The following APP variants were observed in gnomAD, a reference collection of about 807,000 sequenced individuals.
APP encodes amyloid-beta precursor protein.
APP carries 31 observed loss-of-function variants against 101.4 expected under a neutral mutation model. That is an observed-to-expected ratio of 0.31 (90% CI 0.23 to 0.41). APP has a LOEUF of 0.41. Among genes scored for constraint, APP ranks in the 10% least tolerant of loss-of-function variants. The pLI, the probability that APP is intolerant of heterozygous loss-of-function variation, is 1.00. For synonymous variants in APP, 366 were observed against 364.4 expected (o/e 1.00, Z -0.05); for missense variants, 839 against 1,003.7 (o/e 0.84, Z 2.22).
chr21:26,050,404 G>A (rs1355609907), intron 5 of APP, among the ~76,000 whole-genome samples: 2 of 152,086 alleles, frequency 1.3e-5, no homozygotes, highest in African/African-American at 4.8e-5. Context: ...TTAAGAATGA[G>A]AATCAGGTAA....
chr21:25,896,867 G>T (rs2038084358), intron 16 of APP, among the ~76,000 whole-genome samples: 1 of 152,176 alleles, frequency 6.6e-6, no homozygotes, highest in South Asian at 2.1e-4. Context: ...GGAATGAAAA[G>T]AAAGAGCTGG....
intron 13 of APP, among the ~76,000 whole-genome samples, chr21:25,920,703 T>C (rs915086238): frequency 1.3e-5 from 2 of 151,174 alleles, no homozygotes; most frequent in Non-Finnish European, 2.9e-5. Context: ...ATGCACCCAA[T>C]ACAGGAGCAC....
chr21:25,981,653 AT>A (rs2042433089), intron 9 of APP, among the ~76,000 whole-genome samples: 1 of 147,692 alleles, frequency 6.8e-6, no homozygotes, highest in Non-Finnish European at 1.5e-5. Context: ...GACATAAGTT[AT>A]TTTTTAATTT....
chr21:25,914,755 G>A (rs990388579), intron 13 of APP, among the ~76,000 whole-genome samples: 19 of 152,062 alleles, frequency 1.2e-4, no homozygotes, highest in East Asian at 3.9e-4. Flanking sequence ...GGGTTTCACC[G>A]TGTTAGCCAG....
chr21:26,167,573 T>C (rs1268362208), intron 1 of APP, among the ~76,000 whole-genome samples: 1 of 152,218 alleles, frequency 6.6e-6, no homozygotes, highest in Non-Finnish European at 1.5e-5. Flanking sequence ...TAGAAGACTC[T>C]AGTATGCAAA....
At chr21:25,974,977 T>G (rs888119549) in intron 11 of APP, 93 bp downstream of exon 11, 1 of 1,554,726 alleles carries the variant, frequency 6.4e-7, no homozygotes. Context: ...GCATTTCTCC[T>G]CATTCTTTTT....
In APP at chr21:26,107,655, C is replaced by T. The variant is rs1050834845; in HGVS notation, c.225+4324G>A. On this transcript the variant is annotated intron_variant, in intron 2 of 17. Coordinates refer to ENST00000346798, the MANE Select transcript of APP (RefSeq NM_000484.4). ...TGCAATTCCCCAAGGTGCTTTCCTTCGGTTCTTCTCCACAGGTGTCACTGA... is the reference window on the plus strand; with the variant it reads ...TGCAATTCCCCAAGGTGCTTTCCTTTGGTTCTTCTCCACAGGTGTCACTGA... Among the ~76,000 whole-genome samples the T allele has an allele frequency of 6.1e-4, 93 of 152,306 alleles. 1 individual carries two copies. Among genetic ancestry groups the T allele is most frequent in the Admixed American group, 1.8e-3 (28 of 15,292 alleles).
At chr21:26,004,451 C>T (rs531556562) in intron 6 of APP, among the ~76,000 whole-genome samples, 5 of 151,622 alleles carry the variant, frequency 3.3e-5, no homozygotes, top group South Asian at 4.2e-4. Context: ...CGCCACACAC[C>T]GGCTAATTTT....
intron 9 of APP, among the ~76,000 whole-genome samples, chr21:25,980,450 GA>G (rs80241440): frequency 0.22 from 32,715 of 151,986 alleles, 3,784 homozygotes; most frequent in South Asian, 0.36. Flanking sequence ...CTTTCCTAAG[GA>G]AAGATCTGAT....
intron 1 of APP, among the ~76,000 whole-genome samples, chr21:26,134,829 A>T (rs1194823418): frequency 6.6e-6 from 1 of 152,220 alleles, no homozygotes; most frequent in Non-Finnish European, 1.5e-5. Flanking sequence ...GGATTTTAGG[A>T]GCTAAATGTC....
intron 2 of APP, among the ~76,000 whole-genome samples, chr21:26,098,535 C>T (rs1223941271): frequency 6.6e-6 from 1 of 152,078 alleles, no homozygotes; most frequent in Non-Finnish European, 1.5e-5. Context: ...AAATGGAGAA[C>T]CGAAAAGTCC....
intron 13 of APP, among the ~76,000 whole-genome samples, chr21:25,939,308 C>A (rs760115358): frequency 1.3e-5 from 2 of 152,210 alleles, no homozygotes; most frequent in African/African-American, 2.4e-5. Context: ...ACCTGTCTCA[C>A]ATTTGCATAC....
chr21:25,886,052 A>G (rs1352755597), intron 17 of APP, among the ~76,000 whole-genome samples: 1 of 152,164 alleles, frequency 6.6e-6, no homozygotes, highest in Non-Finnish European at 1.5e-5. Flanking sequence ...CAAGGGACTG[A>G]GTCAGGCCAA....
intron 1 of APP, among the ~76,000 whole-genome samples, chr21:26,142,025 C>T (rs2063056832): frequency 6.6e-6 from 1 of 152,162 alleles, no homozygotes; most frequent in African/African-American, 2.4e-5. Context: ...TATACATAAC[C>T]TGGGAACCAT....
intron 3 of APP, among the ~76,000 whole-genome samples, chr21:26,054,113 T>C (rs1601336298): frequency 1.3e-5 from 2 of 152,182 alleles, no homozygotes; most frequent in Admixed American, 1.3e-4. Flanking sequence ...TTCTTGCACA[T>C]AGTAGGCAAT....
chr21:26,127,342 T>C (rs985230926), intron 1 of APP, among the ~76,000 whole-genome samples: 3 of 152,190 alleles, frequency 2.0e-5, no homozygotes, highest in African/African-American at 7.2e-5. Flanking sequence ...TAGCCAATCA[T>C]TTCATAATGA....
At chr21:26,012,818 C>T (rs766222235) in intron 6 of APP, among the ~76,000 whole-genome samples, 3 of 151,226 alleles carry the variant, frequency 2.0e-5, no homozygotes, top group Non-Finnish European at 4.4e-5. Context: ...ACCAAAAATA[C>T]AAAAATTAGC....
chr21:25,977,657 T>C (rs991077634), intron 9 of APP, among the ~76,000 whole-genome samples: 2 of 152,204 alleles, frequency 1.3e-5, no homozygotes, highest in Admixed American at 6.5e-5. Flanking sequence ...TGTAAAACCA[T>C]GGAGGAAACA....
At chr21:26,019,566 T>C (rs1291605831) in intron 6 of APP, among the ~76,000 whole-genome samples, 1 of 152,240 alleles carries the variant, frequency 6.6e-6, no homozygotes. Context: ...TAACATCCAC[T>C]AGGGTTAGCT....
Sources: gnomAD v4.1 joint callset for allele counts (sites outside exome capture counted in the v4.1 genomes callset) on GRCh38, gnomAD v4.1.1 for gene constraint, MANE v1.5 for transcripts, NCBI Gene and HGNC (gene_info 2026-07-23, HGNC 2026-07-21) for gene names.